Variants in NUBPL observed in about 807,000 individuals in gnomAD.
NUBPL encodes iron-sulfur cluster transfer protein NUBPL.
In NUBPL, 31 loss-of-function variants were observed where a neutral mutation model predicts 45.7. The observed-to-expected ratio is 0.68, with a 90% CI of 0.51 to 0.92. The LOEUF is 0.92. Among genes scored for constraint, NUBPL ranks in the 40% least tolerant of loss-of-function variants. The pLI, the probability that NUBPL is intolerant of heterozygous loss-of-function variation, is 0.00. For missense variants in NUBPL, 401 were observed against 398.7 expected (o/e 1.01, Z -0.05); for synonymous variants, 144 against 140.9 (o/e 1.02, Z -0.15).
intron 6 of NUBPL, among the ~76,000 whole-genome samples, chr14:31,751,852 C>G (rs574947969): frequency 7.1e-6 from 1 of 139,940 alleles, no homozygotes; most frequent in South Asian, 2.5e-4. Context: ...CATACATCCT[C>G]TGAAACTTAG....
intron 6 of NUBPL, among the ~76,000 whole-genome samples, chr14:31,720,606 T>C (rs1293983647): frequency 3.3e-5 from 5 of 152,186 alleles, no homozygotes; most frequent in Admixed American, 2.0e-4. Context: ...TCTCACCTCA[T>C]TGGCTTCTTA....
intron 4 of NUBPL, among the ~76,000 whole-genome samples, chr14:31,651,585 A>G (rs967272867): frequency 6.6e-6 from 1 of 152,162 alleles, no homozygotes; most frequent in Non-Finnish European, 1.5e-5. Flanking sequence ...ACTTAATAGC[A>G]AGAAAACAAA....
chr14:31,571,196 G>C (rs2139462086), intron 3 of NUBPL, among the ~76,000 whole-genome samples: 1 of 152,144 alleles, frequency 6.6e-6, no homozygotes, highest in South Asian at 2.1e-4. Flanking sequence ...CTATCTTTCA[G>C]GCTTCCTTAT....
rs150181580 is a variant in NUBPL at position 31,651,526 on chromosome 14, T to A, written c.383-21829T>A. Reference sequence around the variant, plus strand: ...TAACCTATGGAATGGTAGATGGTATTTTTAAACCACACATCTGATAAAGGG... The same window carrying A: ...TAACCTATGGAATGGTAGATGGTATATTTAAACCACACATCTGATAAAGGG... On this transcript the variant is annotated intron_variant, in intron 4 of 10. Coordinates refer to ENST00000281081, the MANE Select transcript of NUBPL (RefSeq NM_025152.3). 2.1e-3 allele frequency among the ~76,000 whole-genome samples: 324 copies of A among 152,298 alleles called. 2 individuals are homozygous for A. Among genetic ancestry groups the A allele is most frequent in the African/African-American group, 7.2e-3 (301 of 41,554 alleles).
chr14:31,682,973 C>T (rs2036865641), intron 6 of NUBPL, among the ~76,000 whole-genome samples: 1 of 151,458 alleles, frequency 6.6e-6, no homozygotes, highest in East Asian at 1.9e-4. Flanking sequence ...GCAGAGATCA[C>T]CTGACAAGAG....
chr14:31,845,479 G>T (rs58503445), intron 8 of NUBPL: 40,289 of 151,950 alleles, frequency 0.27, 8,148 homozygotes, highest in African/African-American at 0.57. Context: ...CTGACCAACA[G>T]GAAGAAACCC....
chr14:31,739,484 C>G (rs1036894685), intron 6 of NUBPL, among the ~76,000 whole-genome samples: 1 of 151,940 alleles, frequency 6.6e-6, no homozygotes, highest in African/African-American at 2.4e-5. Context: ...AGAAATACTT[C>G]TAAAATTGGT....
chr14:31,616,466 C>T (rs562611937), intron 4 of NUBPL, among the ~76,000 whole-genome samples: 13 of 151,102 alleles, frequency 8.6e-5, no homozygotes, highest in African/African-American at 3.1e-4. Flanking sequence ...ATGAAGGGAT[C>T]CAGTTTCAGC....
In NUBPL at chr14:31,829,760, T is replaced by G. The variant is rs78296208; in HGVS notation, c.693+3046T>G. On this transcript the variant is annotated intron_variant, in intron 8 of 10. Transcript: ENST00000281081. ...GTTTAGTAATGTCTGCAAGAACATA[T>G]TGAAGTTAATTTAAATGATTTCTTA... Among the ~76,000 whole-genome samples the G allele has an allele frequency of 4.5e-4, 68 of 152,290 alleles. 2 individuals carry two copies. In the East Asian group the frequency reaches 0.013, roughly 29 times the overall value.
At chr14:31,710,810 T>G (rs1489485970) in intron 6 of NUBPL, among the ~76,000 whole-genome samples, 1 of 152,234 alleles carries the variant, frequency 6.6e-6, no homozygotes, top group African/African-American at 2.4e-5. Context: ...GAATAGCTTT[T>G]GTTAGGCCTG....
At chr14:31,571,958 G>A (rs146728510) in intron 3 of NUBPL, among the ~76,000 whole-genome samples, 4 of 152,162 alleles carry the variant, frequency 2.6e-5, no homozygotes, top group South Asian at 4.1e-4. Context: ...TCACAGCAAC[G>A]TTATGGGAAT....
intron 4 of NUBPL, among the ~76,000 whole-genome samples, chr14:31,663,574 C>G (rs949880032): frequency 6.6e-6 from 1 of 152,076 alleles, no homozygotes; most frequent in East Asian, 1.9e-4. Context: ...TTTCTCAGGC[C>G]TCTGTTCTGT....
At chr14:31,700,912 C>A (rs1018020022) in intron 6 of NUBPL, among the ~76,000 whole-genome samples, 2 of 152,172 alleles carry the variant, frequency 1.3e-5, no homozygotes, top group Non-Finnish European at 2.9e-5. Context: ...TCCCATCGAC[C>A]GCCCAAGGGC....
chr14:31,575,957 AATGTG>A (rs1241681413), intron 3 of NUBPL, among the ~76,000 whole-genome samples: 4 of 152,230 alleles, frequency 2.6e-5, no homozygotes, highest in Non-Finnish European at 5.9e-5. Flanking sequence ...CTTGGTAAGA[AATGTG>A]TTTTATATTT....
chr14:31,629,442 C>G (rs1314648662), intron 4 of NUBPL, among the ~76,000 whole-genome samples: 2 of 152,012 alleles, frequency 1.3e-5, no homozygotes, highest in African/African-American at 4.8e-5. Context: ...GTTAAGGTGG[C>G]TGGAATTGAT....
chr14:31,732,163 C>T (rs956486381), intron 6 of NUBPL, among the ~76,000 whole-genome samples: 3 of 116,156 alleles, frequency 2.6e-5, no homozygotes, highest in African/African-American at 3.5e-5. Flanking sequence ...CACTGCACTC[C>T]AGCCTGGGTG....
chr14:31,713,619 A>G (rs577430664), intron 6 of NUBPL, among the ~76,000 whole-genome samples: 2 of 152,214 alleles, frequency 1.3e-5, no homozygotes, highest in Non-Finnish European at 2.9e-5. Flanking sequence ...GGATGGCACT[A>G]TGAATTAATG....
At chr14:31,684,111 C>A (rs2036899789) in intron 6 of NUBPL, among the ~76,000 whole-genome samples, 1 of 152,166 alleles carries the variant, frequency 6.6e-6, no homozygotes, top group East Asian at 1.9e-4. Context: ...GTCACATCTG[C>A]CTGAGTTTAT....
intron 6 of NUBPL, among the ~76,000 whole-genome samples, chr14:31,784,179 G>C (rs1295596793): frequency 6.6e-6 from 1 of 152,056 alleles, no homozygotes; most frequent in African/African-American, 2.4e-5. Context: ...AGAAAACAAA[G>C]AAATTTAACA....
Sources: gnomAD v4.1 joint callset for allele counts (sites outside exome capture counted in the v4.1 genomes callset) on GRCh38, gnomAD v4.1.1 for gene constraint, MANE v1.5 for transcripts, NCBI Gene and HGNC (gene_info 2026-07-23, HGNC 2026-07-21) for gene names.